The following TRHDE variants were observed in gnomAD, a reference collection of about 807,000 sequenced individuals.
TRHDE encodes the protein thyrotropin releasing hormone degrading enzyme, also known as thyrotropin-releasing hormone-degrading ectoenzyme.
A neutral mutation model predicts 125.7 loss-of-function variants in TRHDE; 72 were observed. The observed-to-expected ratio is 0.57, with a 90% CI of 0.47 to 0.70. The LOEUF (loss-of-function observed/expected upper bound fraction) is 0.70, where lower values mean the gene tolerates loss of function less well. Among genes scored for constraint, TRHDE ranks in the 30% least tolerant of loss-of-function variants. The pLI is 0.00. For synonymous variants in TRHDE, 509 were observed against 509.1 expected (o/e 1.00, Z 0.00); for missense variants, 1,110 against 1,327.1 (o/e 0.84, Z 2.54).
intron 6 of TRHDE, among the ~76,000 whole-genome samples, chr12:72,516,284 T>A (rs1305901591): frequency 1.3e-5 from 2 of 152,136 alleles, no homozygotes; most frequent in African/African-American, 4.8e-5. Context: ...GAGCATGGAA[T>A]GTTCTTCCAT....
At chr12:72,654,338 T>C (rs1380331268) in intron 17 of TRHDE, among the ~76,000 whole-genome samples, 1 of 152,150 alleles carries the variant, frequency 6.6e-6, no homozygotes, top group Non-Finnish European at 1.5e-5. Flanking sequence ...AAAAATACGA[T>C]GGTGTTTACA....
At chr12:72,245,277 A>T (rs947936941) in intron 2 of TRHDE, among the ~76,000 whole-genome samples, 13 of 146,340 alleles carry the variant, frequency 8.9e-5, no homozygotes, top group African/African-American at 3.5e-4. Flanking sequence ...GTGTAGAGGG[A>T]GAGGTCTATC....
chr12:72,335,281 A>G (rs1869780824), intron 2 of TRHDE, among the ~76,000 whole-genome samples: 1 of 152,220 alleles, frequency 6.6e-6, no homozygotes, highest in Non-Finnish European at 1.5e-5. Flanking sequence ...AGTACACCCC[A>G]TTATTACTGC....
At chr12:72,383,828 T>C (rs1872298020) in intron 3 of TRHDE, among the ~76,000 whole-genome samples, 3 of 152,042 alleles carry the variant, frequency 2.0e-5, no homozygotes, top group African/African-American at 4.8e-5. Context: ...AAACCCAGGC[T>C]GTCTGGCTCC....
chr12:72,209,679 A>T (rs1437679700), intron 2 of TRHDE, among the ~76,000 whole-genome samples: 1 of 152,178 alleles, frequency 6.6e-6, no homozygotes, highest in African/African-American at 2.4e-5. Flanking sequence ...ATAGGGGTAA[A>T]CATGTTTATT....
chr12:72,153,539 A>G (rs1398978656), intron 2 of TRHDE, among the ~76,000 whole-genome samples: 2 of 152,212 alleles, frequency 1.3e-5, no homozygotes, highest in African/African-American at 4.8e-5. Flanking sequence ...ATTTAGTGCT[A>G]TAAATTTCCC....
chr12:72,299,419 T>TGGGG (rs917823042), intron 2 of TRHDE, among the ~76,000 whole-genome samples: 15 of 152,216 alleles, frequency 9.9e-5, no homozygotes, highest in African/African-American at 3.4e-4. Context: ...AAGTTTAATT[T>TGGGG]GGGGAGGAAC....
chr12:72,456,089 T>A (rs1247211660), intron 3 of TRHDE, among the ~76,000 whole-genome samples: 1 of 150,382 alleles, frequency 6.6e-6, no homozygotes, highest in Non-Finnish European at 1.5e-5. Flanking sequence ...AGTATGTATA[T>A]TTATATAATA....
chr12:72,639,174 T>C (rs1361234958), intron 15 of TRHDE, among the ~76,000 whole-genome samples: 1 of 151,636 alleles, frequency 6.6e-6, no homozygotes, highest in Non-Finnish European at 1.5e-5. Flanking sequence ...TTTCACATAG[T>C]CCCATATTTC....
intron 3 of TRHDE, among the ~76,000 whole-genome samples, chr12:72,408,378 G>T (rs1386674378): frequency 6.6e-6 from 1 of 152,110 alleles, no homozygotes; most frequent in African/African-American, 2.4e-5. Flanking sequence ...CTAGACTGGT[G>T]GTTCTCAGTA....
At chr12:72,184,606 C>T (rs1239256781) in intron 2 of TRHDE, among the ~76,000 whole-genome samples, 2 of 152,104 alleles carry the variant, frequency 1.3e-5, no homozygotes, top group Non-Finnish European at 2.9e-5. Flanking sequence ...ACTTCTCTTT[C>T]CTTGATATTT....
At chr12:72,191,592 CAT>C (rs1877341712) in intron 2 of TRHDE, among the ~76,000 whole-genome samples, 1 of 152,116 alleles carries the variant, frequency 6.6e-6, no homozygotes, top group Non-Finnish European at 1.5e-5. Flanking sequence ...GGTCTTTTAA[CAT>C]GTGGAAATTT....
intron 2 of TRHDE, among the ~76,000 whole-genome samples, chr12:72,111,610 G>C (rs1051664098): frequency 6.6e-6 from 1 of 152,158 alleles, no homozygotes; most frequent in South Asian, 2.1e-4. Flanking sequence ...AAGCAAGAAT[G>C]CTTGTTCAGG....
rs146197206 is a variant in TRHDE at position 72,200,583 on chromosome 12, C to T, written n.279+94831C>T. Among the ~76,000 whole-genome samples the T allele has an allele frequency of 6.8e-4, 104 of 152,224 alleles. 1 individual carries two copies. The East Asian group carries it at 0.016, about 24-fold the overall frequency. ...ACTGTTGGGAAACAAATAAAAATTA[C>T]AAAGTTTGCTTTTGTGGCTGGATTG... On this transcript the variant is annotated intron_variant and non_coding_transcript_variant, in intron 2 of 4. Transcript: ENST00000548156.
intron 2 of TRHDE, among the ~76,000 whole-genome samples, chr12:72,314,513 C>T (rs970585301): frequency 5.9e-5 from 9 of 151,886 alleles, no homozygotes; most frequent in South Asian, 4.2e-4. Flanking sequence ...CTGTAGACAC[C>T]GTACATAGAT....
intron 2 of TRHDE, chr12:72,262,591 A>G (rs921996664): frequency 1.1e-4 from 16 of 152,178 alleles, no homozygotes; most frequent in African/African-American, 3.9e-4. Flanking sequence ...TAGAAACATG[A>G]ACATTCGTCT....
At position 72,292,827 on chromosome 12, in the gene TRHDE, A is replaced by G. The variant is rs542538935; in HGVS notation, c.1188+5873A>G. Among the ~76,000 whole-genome samples the G allele has an allele frequency of 2.6e-5, 4 of 152,352 alleles. No individual in the cohort carries two copies. In the South Asian group the frequency reaches 6.2e-4, roughly 24 times the overall value. ...CCAAGTATCAAAATTGGTTCAAATC[A>G]ATATTGCTGAATAAGAAATCATTTG... On this transcript the variant is annotated intron_variant, in intron 2 of 18. Coordinates refer to ENST00000261180, the MANE Select transcript of TRHDE (RefSeq NM_013381.3).
At chr12:72,542,151 T>C (rs771661191) in intron 6 of TRHDE, 140 bp from the exon 7 acceptor site, 12 of 523,676 alleles carry the variant, frequency 2.3e-5, no homozygotes, top group Non-Finnish European at 3.7e-5. Context: ...AAGTTGGATG[T>C]TGTTTTCATG....
At chr12:72,311,521 A>G (rs958496628) in intron 2 of TRHDE, among the ~76,000 whole-genome samples, 1 of 152,186 alleles carries the variant, frequency 6.6e-6, no homozygotes, top group Non-Finnish European at 1.5e-5. Flanking sequence ...AGCAAAAGGA[A>G]GAGATTGTTT....
Sources: gnomAD v4.1 joint callset for allele counts (sites outside exome capture counted in the v4.1 genomes callset) on GRCh38, gnomAD v4.1.1 for gene constraint, MANE v1.5 for transcripts, NCBI Gene and HGNC (gene_info 2026-07-23, HGNC 2026-07-21) for gene names.